The following KCNMA1 variants were observed in gnomAD, a reference collection of about 807,000 sequenced individuals.
The protein encoded by KCNMA1 is Calcium-activated potassium channel subunit alpha-1.
Under a neutral mutation model 140.0 loss-of-function variants are expected in KCNMA1, and 29 were observed. That is an observed-to-expected ratio of 0.21 (90% CI 0.15 to 0.28). The LOEUF (loss-of-function observed/expected upper bound fraction) is 0.28. KCNMA1 is among the 10% of genes least tolerant of loss of function. KCNMA1 has a pLI of 1.00. For synonymous variants in KCNMA1, 612 were observed against 611.9 expected, an observed-to-expected ratio of 1.00 and a Z score of 0.00; for missense variants, 880 against 1,602.2, an observed-to-expected ratio of 0.55 and a Z score of 7.70.
At chr10:77,102,222 T>C (rs147903949) in intron 9 of KCNMA1, among the ~76,000 whole-genome samples, 1 of 152,264 alleles carries the variant, frequency 6.6e-6, no homozygotes, top group East Asian at 1.9e-4. Flanking sequence ...AATGAGTCTT[T>C]GTAAATAAAT....
intron 9 of KCNMA1, among the ~76,000 whole-genome samples, chr10:77,099,159 G>A (rs2097023371): frequency 6.6e-6 from 1 of 152,044 alleles, no homozygotes; most frequent in Non-Finnish European, 1.5e-5. Flanking sequence ...AATAGAGGGA[G>A]AATGAGTCCA....
chr10:77,457,342 CCTT>C (rs1425881579), intron 1 of KCNMA1, among the ~76,000 whole-genome samples: 2 of 152,172 alleles, frequency 1.3e-5, no homozygotes, highest in Non-Finnish European at 2.9e-5. Context: ...ATTTCTCCCT[CCTT>C]CTGCATTTGG....
At chr10:76,990,818 G>A (rs911001436) in intron 19 of KCNMA1, among the ~76,000 whole-genome samples, 1 of 152,190 alleles carries the variant, frequency 6.6e-6, no homozygotes, top group African/African-American at 2.4e-5. Flanking sequence ...AAAATGCAGA[G>A]AGCATTTCAG....
rs181369191 is a variant in KCNMA1 at position 77,596,810 on chromosome 10, A to C, written c.378+40455T>G. Among the ~76,000 whole-genome samples the C allele has an allele frequency of 1.6e-4, 24 of 152,358 alleles. No homozygotes were observed. The East Asian group carries it at 4.6e-3, about 29-fold the overall frequency. On this transcript the variant is annotated intron_variant, in intron 1 of 27. Transcript: ENST00000286628. ...AGCCATCAAATACAAGCTCCAAAAA[A>C]GAGCGAATGATATTGTTCCCAGCAG...
intron 1 of KCNMA1, among the ~76,000 whole-genome samples, chr10:77,433,391 G>C (rs1603618439): frequency 1.3e-5 from 2 of 152,260 alleles, no homozygotes; most frequent in South Asian, 4.2e-4. Context: ...GGCCTCAAGT[G>C]ATCTGCCCAC....
At chr10:77,590,328 A>AG (rs1482593427) in intron 1 of KCNMA1, among the ~76,000 whole-genome samples, 3 of 152,162 alleles carry the variant, frequency 2.0e-5, no homozygotes, top group African/African-American at 7.2e-5. Flanking sequence ...GCCGTGGAGC[A>AG]GGGGGCGGCG....
intron 1 of KCNMA1, among the ~76,000 whole-genome samples, chr10:77,409,605 G>A (rs1306869020): frequency 6.6e-6 from 1 of 152,160 alleles, no homozygotes; most frequent in Non-Finnish European, 1.5e-5. Context: ...TGAGGGTCAC[G>A]ACAAGGGCTA....
chr10:77,092,835 C>T (rs1426916438), intron 9 of KCNMA1, among the ~76,000 whole-genome samples: 2 of 152,214 alleles, frequency 1.3e-5, no homozygotes, highest in African/African-American at 4.8e-5. Context: ...CAGCCAGCAT[C>T]TCCTCCTCCT....
chr10:77,084,828 A>C (rs1395922165), intron 11 of KCNMA1, 109 bp from the exon 12 acceptor site: 1 of 778,748 alleles, frequency 1.3e-6, no homozygotes, highest in African/African-American at 1.7e-5. Flanking sequence ...AAAGAAAAAA[A>C]AAAAACAATC....
At chr10:77,258,091 G>T (rs1239646625) in intron 2 of KCNMA1, among the ~76,000 whole-genome samples, 1 of 152,148 alleles carries the variant, frequency 6.6e-6, no homozygotes, top group East Asian at 1.9e-4. Context: ...ATCTCTCTGG[G>T]TCTAAGTTTC....
At chr10:77,619,772 C>T (rs1013110344) in intron 1 of KCNMA1, among the ~76,000 whole-genome samples, 1 of 152,170 alleles carries the variant, frequency 6.6e-6, no homozygotes, top group Admixed American at 6.5e-5. Context: ...GGCTGCTCCC[C>T]ACCCAGGATG....
chr10:77,452,841 T>C (rs1360144600), intron 1 of KCNMA1, among the ~76,000 whole-genome samples: 1 of 152,222 alleles, frequency 6.6e-6, no homozygotes, highest in Non-Finnish European at 1.5e-5. Flanking sequence ...TACTGATTCA[T>C]ATTCAAGTTC....
chr10:77,116,798 G>A (rs144360019), intron 6 of KCNMA1, among the ~76,000 whole-genome samples: 1 of 152,250 alleles, frequency 6.6e-6, no homozygotes, highest in African/African-American at 2.4e-5. Flanking sequence ...GGTCTATGAG[G>A]TCTTTGATGC....
intron 1 of KCNMA1, among the ~76,000 whole-genome samples, chr10:77,509,735 C>T (rs536755184): frequency 1.8e-4 from 27 of 152,106 alleles, no homozygotes; most frequent in Non-Finnish European, 2.6e-4. Flanking sequence ...GAATCTCCTT[C>T]GGGAAGCATG....
At chr10:77,610,097 G>A (rs574065784) in intron 1 of KCNMA1, among the ~76,000 whole-genome samples, 8 of 152,186 alleles carry the variant, frequency 5.3e-5, no homozygotes, top group Non-Finnish European at 7.3e-5. Context: ...CCCAAATCCT[G>A]TGTGGCCCTC....
intron 2 of KCNMA1, among the ~76,000 whole-genome samples, chr10:77,295,725 G>A (rs961082919): frequency 3.6e-5 from 5 of 137,134 alleles, no homozygotes; most frequent in African/African-American, 8.1e-5. Flanking sequence ...AGCTTGCAGT[G>A]AGCCGAGATT....
intron 2 of KCNMA1, among the ~76,000 whole-genome samples, chr10:77,262,573 C>T (rs546645654): frequency 4.2e-5 from 6 of 143,766 alleles, no homozygotes; most frequent in East Asian, 2.5e-4. Context: ...TGATGGGAGG[C>T]GTTTTGGTCA....
chr10:77,306,466 G>T (rs1424093565), intron 2 of KCNMA1, among the ~76,000 whole-genome samples: 3 of 152,182 alleles, frequency 2.0e-5, no homozygotes, highest in Non-Finnish European at 4.4e-5. Context: ...CATGGGTAGA[G>T]CCCAGCTGTT....
At chr10:76,907,114 A>G (rs2048118853) in intron 25 of KCNMA1, among the ~76,000 whole-genome samples, 1 of 152,212 alleles carries the variant, frequency 6.6e-6, no homozygotes, top group Non-Finnish European at 1.5e-5. Context: ...TCCTGATGAT[A>G]AATACAATGA....
Sources: allele counts gnomAD v4.1 joint callset (sites outside exome capture counted in the v4.1 genomes callset), GRCh38; gene constraint gnomAD v4.1.1; transcripts MANE v1.5; gene names NCBI Gene and HGNC (gene_info 2026-07-23, HGNC 2026-07-21).